HCN1: variants seen among roughly 807,000 people sequenced by gnomAD.
The protein encoded by HCN1 is potassium/sodium hyperpolarization-activated cyclic nucleotide-gated channel 1.
In HCN1, 13 loss-of-function variants were observed where a neutral mutation model predicts 78.9. The ratio of observed to expected loss-of-function variants is 0.16; its 90% CI spans 0.11 to 0.26. The LOEUF (loss-of-function observed/expected upper bound fraction) is 0.26, where lower values mean the gene tolerates loss of function less well. Ranked by LOEUF, HCN1 falls within the 10% of genes least tolerant of loss-of-function variation. The probability of loss-of-function intolerance (pLI) is 1.00; values close to 1 mark genes in which losing one functional copy is unlikely to be tolerated. For synonymous variants in HCN1, 552 were observed against 455.5 expected (o/e 1.21, Z -2.70); for missense variants, 810 against 1,154.3 (o/e 0.70, Z 4.32).
At chr5:45,369,728 G>A (rs956513051) in intron 4 of HCN1, among the ~76,000 whole-genome samples, 1 of 152,078 alleles carries the variant, frequency 6.6e-6, no homozygotes, top group African/African-American at 2.4e-5. Flanking sequence ...AAACACTCCA[G>A]TGCATGTATC....
chr5:45,486,156 A>G (rs1482236929), intron 2 of HCN1, among the ~76,000 whole-genome samples: 2 of 152,136 alleles, frequency 1.3e-5, no homozygotes, highest in African/African-American at 2.4e-5. Context: ...TTTGGCATGT[A>G]AGACATTCTT....
chr5:45,493,921 G>T (rs1237515781), intron 2 of HCN1, among the ~76,000 whole-genome samples: 3 of 152,042 alleles, frequency 2.0e-5, no homozygotes, highest in African/African-American at 7.3e-5. Flanking sequence ...CCCTACAAAG[G>T]ACATGAACTC....
In HCN1 at chr5:45,556,517, A is replaced by G. The variant is rs900683236; in HGVS notation, c.849+88668T>C. On this transcript the variant is annotated intron_variant, in intron 2 of 7. Coordinates refer to ENST00000303230, the MANE Select transcript of HCN1 (RefSeq NM_021072.4). ...TTTATACCCTTGAGCTTCTCTTTAT[A>G]GCCCAAAATCTCTTGAATGACATTG... 2.0e-5 allele frequency among the ~76,000 whole-genome samples: 3 copies of G among 152,082 alleles called. No individual in the cohort carries two copies. The East Asian group carries it at 5.8e-4, about 30-fold the overall frequency.
At position 45,392,046 on chromosome 5, in the gene HCN1, C is replaced by T. The variant is rs555850577; in HGVS notation, c.1230+4446G>A. Among the ~76,000 whole-genome samples, 141 of 152,024 alleles carry T rather than the reference C, an allele frequency of 9.3e-4. 1 individual carries two copies. Among genetic ancestry groups the T allele is most frequent in the Non-Finnish European group, 1.6e-3 (107 of 67,990 alleles). On this transcript the variant is annotated intron_variant, in intron 4 of 7. Transcript: ENST00000303230. ...TAAGGATCCTTAAGAGTTGATTTGG[C>T]GCCACTCCTCCTACATCCAAATTTT...
intron 2 of HCN1, among the ~76,000 whole-genome samples, chr5:45,517,824 T>TC (rs1742541799): frequency 6.6e-6 from 1 of 151,986 alleles, no homozygotes; most frequent in Admixed American, 6.6e-5. Context: ...CATGATAATA[T>TC]CCCCAATGAA....
At chr5:45,326,472 A>G in intron 5 of HCN1, among the ~76,000 whole-genome samples, 1 of 151,584 alleles carries the variant, frequency 6.6e-6, no homozygotes, top group East Asian at 1.9e-4. Context: ...TCTTATGTTA[A>G]TTATAGTTAT....
At chr5:45,314,954 C>A (rs1579803521) in intron 5 of HCN1, among the ~76,000 whole-genome samples, 1 of 152,096 alleles carries the variant, frequency 6.6e-6, no homozygotes, top group South Asian at 2.1e-4. Flanking sequence ...GACTCCCAAA[C>A]AATAATAATG....
intron 2 of HCN1, among the ~76,000 whole-genome samples, chr5:45,581,250 T>G (rs910134110): frequency 6.6e-6 from 1 of 152,242 alleles, no homozygotes; most frequent in African/African-American, 2.4e-5. Context: ...TGAGATGGTA[T>G]CTCATTGTGG....
At chr5:45,556,090 C>T (rs1270170247) in intron 2 of HCN1, among the ~76,000 whole-genome samples, 2 of 151,900 alleles carry the variant, frequency 1.3e-5, no homozygotes, top group African/African-American at 4.8e-5. Flanking sequence ...TCTAAGACCT[C>T]AAACTATAAA....
chr5:45,492,392 A>AATATATATATATATATATATAT (rs35781186), intron 2 of HCN1, among the ~76,000 whole-genome samples: 3 of 121,394 alleles, frequency 2.5e-5, no homozygotes, highest in African/African-American at 6.5e-5. Flanking sequence ...TCTTTAAATG[A>AATATATATATATATATATATAT]ATATATATAT....
chr5:45,376,270 C>G (rs1435288296), intron 4 of HCN1, among the ~76,000 whole-genome samples: 1 of 128,386 alleles, frequency 7.8e-6, no homozygotes, highest in Non-Finnish European at 1.6e-5. Context: ...AATATATATT[C>G]TATATAGAAT....
intron 2 of HCN1, among the ~76,000 whole-genome samples, chr5:45,619,143 G>A (rs907170962): frequency 6.6e-6 from 1 of 152,048 alleles, no homozygotes; most frequent in Admixed American, 6.6e-5. Flanking sequence ...AGTAGTAGAA[G>A]TAATGAGAAG....
chr5:45,516,789 G>A (rs1282399037), intron 2 of HCN1, among the ~76,000 whole-genome samples: 1 of 151,736 alleles, frequency 6.6e-6, no homozygotes, highest in Non-Finnish European at 1.5e-5. Context: ...GATCAGACTT[G>A]GTATCTTATT....
intron 2 of HCN1, among the ~76,000 whole-genome samples, chr5:45,556,866 A>C (rs946532777): frequency 6.6e-6 from 1 of 151,930 alleles, no homozygotes; most frequent in Non-Finnish European, 1.5e-5. Context: ...TCCCTCCCTG[A>C]ATTGCCAACA....
chr5:45,390,326 T>A (rs1203290557), intron 4 of HCN1, among the ~76,000 whole-genome samples: 2 of 152,168 alleles, frequency 1.3e-5, no homozygotes, highest in East Asian at 3.9e-4. Flanking sequence ...TTTGTTTCTA[T>A]CTTATGACAT....
intron 2 of HCN1, among the ~76,000 whole-genome samples, chr5:45,587,442 C>T (rs1299150313): frequency 3.3e-5 from 5 of 151,730 alleles, no homozygotes; most frequent in Admixed American, 6.6e-5. Context: ...AGCAAACTAT[C>T]GCAAGGACAA....
chr5:45,278,832 A>G (rs1038900844), intron 6 of HCN1, among the ~76,000 whole-genome samples: 5 of 152,148 alleles, frequency 3.3e-5, no homozygotes, highest in African/African-American at 1.2e-4. Flanking sequence ...GGGTTAGATC[A>G]GGAGTCCTAT....
intron 2 of HCN1, among the ~76,000 whole-genome samples, chr5:45,497,777 C>T (rs1403895551): frequency 2.6e-5 from 4 of 152,112 alleles, no homozygotes; most frequent in South Asian, 2.1e-4. Context: ...TTAGGGCAGG[C>T]CTGGTGGTGA....
At chr5:45,671,013 T>A (rs1192837741) in intron 1 of HCN1, among the ~76,000 whole-genome samples, 6 of 151,762 alleles carry the variant, frequency 4.0e-5, no homozygotes, top group Non-Finnish European at 5.9e-5. Context: ...TTATTTTTAA[T>A]ATAACACCAA....
Sources: gnomAD v4.1 joint callset for allele counts (sites outside exome capture counted in the v4.1 genomes callset) on GRCh38, gnomAD v4.1.1 for gene constraint, MANE v1.5 for transcripts, NCBI Gene and HGNC (gene_info 2026-07-23, HGNC 2026-07-21) for gene names.